Variants in IPO11 observed in about 807,000 individuals in gnomAD.
IPO11 encodes importin-11.
IPO11 carries 66 observed loss-of-function variants against 143.2 expected under a neutral mutation model. The ratio of observed to expected loss-of-function variants is 0.46; its 90% CI spans 0.38 to 0.57. IPO11 has a LOEUF of 0.57. Among genes scored for constraint, IPO11 ranks in the 20% least tolerant of loss-of-function variants. The pLI is 0.00. For synonymous variants in IPO11, 385 were observed against 377.8 expected (o/e 1.02, Z -0.22); for missense variants, 1,026 against 1,141.0 (o/e 0.90, Z 1.45).
In IPO11 at chr5:62,551,274, C is replaced by A. The variant is rs746610346; in HGVS notation, c.2398C>A (p.Leu800Ile). The change falls in exon 26 of 30, where the codon CTA (leucine) becomes ATA (isoleucine). Residue 800 changes from leucine (L) to isoleucine (I), a missense_variant. Physicochemically the swap from Leu to Ile is conservative, Grantham distance 5. This residue lies in a region of IPO11 where 351 missense variants were observed against 358.9 expected (regional missense o/e 0.98). Transcript: ENST00000325324. ...TYLGVMGRVLLQNTSFFSSLL... is the reference protein window; with the variant it reads ...TYLGVMGRVLIQNTSFFSSLL... ...TCTTGGAGTTATGGGTCGAGTTCTACTACAAAACACTAGTTTTTTTTCTTC... is the reference window on the plus strand; with the variant it reads ...TCTTGGAGTTATGGGTCGAGTTCTAATACAAAACACTAGTTTTTTTTCTTC... 3.1e-6 allele frequency: 5 copies of A among 1,610,680 alleles called. No individual in the cohort carries two copies. In the Admixed American group the frequency reaches 8.3e-5, roughly 27 times the overall value.
intron 2 of IPO11, among the ~76,000 whole-genome samples, chr5:62,442,226 C>T (rs1478450531): frequency 2.6e-5 from 4 of 152,130 alleles, no homozygotes; most frequent in African/African-American, 4.8e-5. Flanking sequence ...GTATTAACCC[C>T]GGGGCCTTGA....
chr5:62,485,490 T>C, intron 12 of IPO11, 28 bp downstream of exon 12: 1 of 1,536,996 alleles, frequency 6.5e-7, no homozygotes, highest in Non-Finnish European at 9.0e-7. Flanking sequence ...GAAAAATTGA[T>C]AGGGGAAAGC....
intron 15 of IPO11, among the ~76,000 whole-genome samples, chr5:62,491,726 C>T (rs10471552): frequency 0.026 from 3,775 of 145,238 alleles, 171 homozygotes; most frequent in African/African-American, 0.091. Context: ...AGTGCAGTGG[C>T]GCGATCTCGA....
chr5:62,507,009 A>G (rs1484184879), intron 19 of IPO11, among the ~76,000 whole-genome samples: 1 of 152,224 alleles, frequency 6.6e-6, no homozygotes, highest in Admixed American at 6.5e-5. Flanking sequence ...ATCTGCTGTT[A>G]GTGAATTGTG....
intron 21 of IPO11, among the ~76,000 whole-genome samples, chr5:62,529,201 A>G (rs1395342626): frequency 6.6e-6 from 1 of 152,172 alleles, no homozygotes; most frequent in Admixed American, 6.5e-5. Flanking sequence ...AATTTGAACA[A>G]AAGACTTTGT....
At chr5:62,596,156 C>A (rs1194957394) in intron 28 of IPO11, among the ~76,000 whole-genome samples, 1 of 148,288 alleles carries the variant, frequency 6.7e-6, no homozygotes, top group Non-Finnish European at 1.5e-5. Flanking sequence ...TGCTTAGCAG[C>A]TGCTTGGGAG....
chr5:62,566,101 G>C (rs951769151), intron 27 of IPO11, among the ~76,000 whole-genome samples: 2 of 152,150 alleles, frequency 1.3e-5, no homozygotes, highest in African/African-American at 4.8e-5. Context: ...GTGTGCATGT[G>C]TCTTTATAGT....
intron 29 of IPO11, among the ~76,000 whole-genome samples, chr5:62,614,688 A>G (rs1746062800): frequency 6.6e-6 from 1 of 151,264 alleles, no homozygotes; most frequent in South Asian, 2.1e-4. Flanking sequence ...GGTAGCCTGC[A>G]ACTCCGAAAA....
intron 5 of IPO11, among the ~76,000 whole-genome samples, chr5:62,461,824 A>AT (rs1467064385): frequency 2.0e-5 from 3 of 152,214 alleles, no homozygotes; most frequent in East Asian, 3.9e-4. Flanking sequence ...AATGTTTCAG[A>AT]TTTTTTTCAG....
chr5:62,559,916 C>CAAAAAAAAAAAAAAAAAA (rs759468696), intron 26 of IPO11, among the ~76,000 whole-genome samples: 1 of 17,028 alleles, frequency 5.9e-5, no homozygotes, highest in African/African-American at 3.6e-4. Flanking sequence ...AACTCTGTCT[C>CAAAAAAAAAAAAAAAAAA]AAAAAAAAAA....
intron 27 of IPO11, among the ~76,000 whole-genome samples, chr5:62,588,898 C>T (rs1324149124): frequency 1.3e-5 from 2 of 152,192 alleles, no homozygotes; most frequent in African/African-American, 4.8e-5. Context: ...CAAACATTGA[C>T]CACTTGGCTC....
chr5:62,528,070 G>C (rs1742422624), intron 21 of IPO11, among the ~76,000 whole-genome samples: 1 of 152,200 alleles, frequency 6.6e-6, no homozygotes, highest in Admixed American at 6.5e-5. Flanking sequence ...GATAATTAAA[G>C]ATTGCCTAAG....
chr5:62,529,487 T>G (rs1742472337), intron 21 of IPO11, among the ~76,000 whole-genome samples: 1 of 152,152 alleles, frequency 6.6e-6, no homozygotes, highest in Non-Finnish European at 1.5e-5. Flanking sequence ...CTAATTTTAT[T>G]TTTTCTTCTA....
chr5:62,606,480 T>TAAAAAAAAAAA (rs760722973), intron 29 of IPO11, among the ~76,000 whole-genome samples: 1 of 56,106 alleles, frequency 1.8e-5, no homozygotes, highest in African/African-American at 8.2e-5. Context: ...GACCCTGTCT[T>TAAAAAAAAAAA]AAAAAAAAAA....
chr5:62,418,121 G>A (rs1743368190), intron 1 of IPO11, among the ~76,000 whole-genome samples: 1 of 151,630 alleles, frequency 6.6e-6, no homozygotes, highest in Non-Finnish European at 1.5e-5. Context: ...TTTCCGAGTA[G>A]CTGGGATTAC....
chr5:62,526,327 G>T, intron 21 of IPO11, 70 bp downstream of exon 21: 1 of 1,094,336 alleles, frequency 9.1e-7, no homozygotes, highest in Non-Finnish European at 1.4e-6. Flanking sequence ...TGCCAGTAAA[G>T]TTAAGGTCAT....
chr5:62,487,046 A>T (rs571980950), intron 12 of IPO11, among the ~76,000 whole-genome samples: 6 of 152,184 alleles, frequency 3.9e-5, no homozygotes, highest in East Asian at 1.9e-4. Flanking sequence ...ATTTTAAAAA[A>T]TTTTTTGTGG....
chr5:62,560,408 T>G (rs192069486), intron 26 of IPO11, among the ~76,000 whole-genome samples: 44 of 152,348 alleles, frequency 2.9e-4, no homozygotes, highest in African/African-American at 1.0e-3. Context: ...ATACTGTTTT[T>G]GCTCTTAGGG....
At chr5:62,582,115 A>G (rs1182224645) in intron 27 of IPO11, among the ~76,000 whole-genome samples, 3 of 152,152 alleles carry the variant, frequency 2.0e-5, no homozygotes, top group South Asian at 4.1e-4. Flanking sequence ...GGCAACAGAG[A>G]GCCATTGAAG....
Sources: gnomAD v4.1 joint callset for allele counts (sites outside exome capture counted in the v4.1 genomes callset) on GRCh38, gnomAD v4.1.1 for gene constraint, gnomAD v4.1.1 regional missense constraint, MANE v1.5 for transcripts, NCBI Gene and HGNC (gene_info 2026-07-23, HGNC 2026-07-21) for gene names.